Variants in TBRG4 observed in about 807,000 individuals in gnomAD.
The protein encoded by TBRG4 is transforming growth factor beta regulator 4.
In TBRG4, 43 loss-of-function variants were observed where a neutral mutation model predicts 65.6. The ratio of observed to expected loss-of-function variants is 0.66; its 90% CI spans 0.51 to 0.85. The LOEUF (loss-of-function observed/expected upper bound fraction) is 0.85, where lower values mean the gene tolerates loss of function less well. TBRG4 is among the 40% of genes least tolerant of loss of function. The probability of loss-of-function intolerance (pLI) is 0.00; values close to 1 mark genes in which losing one functional copy is unlikely to be tolerated. For synonymous variants in TBRG4, 366 were observed against 341.4 expected (o/e 1.07, Z -0.79); for missense variants, 709 against 787.9 (o/e 0.90, Z 1.20).
Position 45,104,179 on chromosome 7 carries a change from A to G in TBRG4, c.985T>C (p.Ser329Pro). Residue 329 changes from serine (S) to proline (P), a missense_variant, in exon 5 of 11, where the codon TCT (serine) becomes CCT (proline). Coordinates refer to ENST00000258770, the MANE Select transcript of TBRG4 (RefSeq NM_004749.4). ...DLLSLMPSLT[S>P]GEVAHCAKSF... ...TTGGCACAGTGGGCCACCTCACCAG[A>G]AGTCAGGCTGGGCATGAGGGATAGC... is the stretch of plus-strand genomic sequence containing the variant. The G allele has an allele frequency of 6.2e-7, 1 of 1,614,116 alleles. No homozygotes were observed. The highest frequency in any genetic ancestry group is 1.1e-5 in the South Asian group (1 of 91,074).
At chr7:45,107,650 G>A (rs1785002129) in intron 2 of TBRG4, 1 of 154,546 alleles carries the variant, frequency 6.5e-6, no homozygotes, top group African/African-American at 2.4e-5. Flanking sequence ...TAATCTTACA[G>A]AAGATCTGGG....
Position 45,101,908 on chromosome 7 carries a change from T to A in TBRG4, c.1484A>T (p.Glu495Val). ...LDRKVTPLQK[E>V]LQETLKGLLG... is the part of the protein sequence containing the mutation. ...CAGCCCCTTCAGCGTCTCCTGCAGC[T>A]CCTTTTGCAGGGGGGTCACCTTCCT... Residue 495 changes from glutamate (E) to valine (V), a missense_variant, in exon 8 of 11, where the codon GAG becomes GTG. Transcript: ENST00000258770. 1 of 1,611,300 alleles carries A rather than the reference T, an allele frequency of 6.2e-7. No individual in the cohort carries two copies. Among genetic ancestry groups the A allele is most frequent in the Non-Finnish European group, 8.5e-7 (1 of 1,179,170 alleles).
intron 5 of TBRG4, 163 bp from the exon 6 acceptor site, chr7:45,103,606 A>G (rs1562935174): frequency 2.2e-5 from 13 of 603,122 alleles, no homozygotes; most frequent in Non-Finnish European, 3.5e-5. Context: ...AAGGACTTAC[A>G]CAGGCCCAGA....
rs373051039 is a variant in TBRG4 at position 45,101,954 on chromosome 7, G to A, written c.1438C>T (p.Pro480Ser). The change falls in exon 8 of 11, where the codon CCT (proline) becomes TCT (serine). Residue 480 changes from proline to serine, a missense_variant. Transcript: ENST00000258770. The part of the protein sequence containing the change: ...GPLLPASAVA[P>S]GPSALDRKVT... ...TTCCTGTCAAGGGCTGAGGGCCCAG[G>A]GGCCACAGCCGAGGCAGGCAGAAGG... 1.3e-5 allele frequency: 20 copies of A among 1,597,832 alleles called. No individual in the cohort carries two copies. The highest frequency in any genetic ancestry group is 7.7e-6 in the Non-Finnish European group (9 of 1,173,664).
chr7:45,104,317 C>G, intron 4 of TBRG4, 61 bp from the exon 5 acceptor site: 1 of 1,609,716 alleles, frequency 6.2e-7, no homozygotes, highest in Non-Finnish European at 8.5e-7. Flanking sequence ...CCCAGCAGCT[C>G]CACCCCACCT....
chr7:45,111,456 G>A, intron 1 of TBRG4, 187 bp downstream of exon 1: 1 of 602,834 alleles, frequency 1.7e-6, no homozygotes, highest in Non-Finnish European at 2.5e-6. Flanking sequence ...GGCCGCGCGG[G>A]CTAGAGAGGA....
At chr7:45,110,392 C>A (rs905475685) in intron 1 of TBRG4, among the ~76,000 whole-genome samples, 2 of 152,176 alleles carry the variant, frequency 1.3e-5, no homozygotes, top group African/African-American at 4.8e-5. Context: ...ATCGGCCAGG[C>A]GCAGTGGCTC....
chr7:45,101,159 A>ATG, intron 10 of TBRG4, 99 bp downstream of exon 10: 1 of 1,170,672 alleles, frequency 8.5e-7, no homozygotes, highest in Non-Finnish European at 1.2e-6. Flanking sequence ...CGGGCAGGGC[A>ATG]TGTGTCTATA....
chr7:45,108,886 T>C lies in TBRG4; in HGVS notation c.352A>G (p.Lys118Glu), dbSNP rs1785035721. Residue 118 changes from lysine (K) to glutamate (E), a missense_variant, in exon 2 of 11, where the codon AAA (lysine) becomes GAA (glutamate). Transcript: ENST00000258770. ...SHLLSEKPED[K>E]GLLIQDAHFH... ...TGGGCATCCTGTATGAGCAAGCCTT[T>C]ATCTTCTGGCTTCTCAGACAGCAAG... is the stretch of plus-strand genomic sequence containing the variant. The C allele has an allele frequency of 1.9e-6, 3 of 1,580,570 alleles. No individual in the cohort carries two copies. The highest frequency in any genetic ancestry group is 2.6e-6 in the Non-Finnish European group (3 of 1,166,624).
In TBRG4 at chr7:45,109,189, C is replaced by G; in HGVS notation, c.49G>C (p.Ala17Pro). Reference protein sequence around the residue: ...KRCTCLLREAARQAPAMAPVG... With the variant: ...KRCTCLLREAPRQAPAMAPVG... The stretch of plus-strand genomic sequence containing the variant: ...GGAGCCATGGCAGGGGCCTGACGAG[C>G]AGCTTCTCTCAGGAGGCACGTGCAT... Residue 17 changes from alanine to proline, a missense_variant, in exon 2 of 11, where the codon GCT becomes CCT. Coordinates refer to ENST00000258770, the MANE Select transcript of TBRG4 (RefSeq NM_004749.4). The G allele has an allele frequency of 6.2e-7, 1 of 1,612,226 alleles. No individual in the cohort carries two copies. The highest frequency in any genetic ancestry group is 1.1e-5 in the South Asian group (1 of 90,908).
rs1402932869 is a variant in TBRG4 at position 45,104,139 on chromosome 7, A to T, written c.1025T>A (p.Leu342His). Residue 342 changes from leucine to histidine, a missense_variant, in exon 5 of 11, where the codon CTC (leucine) becomes CAC (histidine). Physicochemically the swap from Leu to His is moderately conservative, Grantham distance 99. Transcript: ENST00000258770. ...VAHCAKSFAL[L>H]KWLSLPLFEA... ...AAACAGGGGCAGGCTGAGCCACTTG[A>T]GTAAGGCGAAGGACTTGGCACAGTG... The T allele has an allele frequency of 3.1e-6, 5 of 1,613,392 alleles. No homozygotes were observed. The South Asian group carries it at 3.3e-5, about 11-fold the overall frequency.
Position 45,111,685 on chromosome 7 carries a change from T to C in TBRG4, c.-93A>G. Reference sequence around the variant, plus strand: ...TGACCTCCATCCGCCGCCCTAACTGTCCCCGGAACCATGAGGTGCGCGGCG... The same window carrying C: ...TGACCTCCATCCGCCGCCCTAACTGCCCCCGGAACCATGAGGTGCGCGGCG... On this transcript the variant is annotated 5_prime_UTR_variant, in exon 1 of 11. Transcript: ENST00000258770. The C allele has an allele frequency of 7.8e-7, 1 of 1,289,138 alleles. No homozygotes were observed. The highest frequency in any genetic ancestry group is 1.0e-6 in the Non-Finnish European group (1 of 988,796). 79.9% of individuals were successfully genotyped at this position (1,289,138 alleles called of 1,614,324 possible).
chr7:45,102,109 G>A (rs769343908), intron 7 of TBRG4, 39 bp from the exon 8 acceptor site: 42 of 1,553,388 alleles, frequency 2.7e-5, no homozygotes, highest in East Asian at 1.6e-4. Context: ...GTGGGCCTAC[G>A]GCCAGAGATG....
At chr7:45,102,300 A>C (rs751958945) in intron 7 of TBRG4, 47 bp downstream of exon 7, 7 of 1,612,336 alleles carry the variant, frequency 4.3e-6, no homozygotes, top group Non-Finnish European at 3.4e-6. Context: ...GGCAGACAAG[A>C]CCAGGCAGTT....
chr7:45,104,077 T>G (rs894933893), intron 5 of TBRG4, 22 bp downstream of exon 5: 1 of 1,569,914 alleles, frequency 6.4e-7, no homozygotes, highest in Non-Finnish European at 8.6e-7. Context: ...CTTCTCTGAG[T>G]TGGGGCCAGG....
At position 45,100,141 on chromosome 7, in the gene TBRG4, G is replaced by T. The variant is rs1317427023; in HGVS notation, c.*184C>A. The T allele has an allele frequency of 1.8e-6, 1 of 562,692 alleles. No individual in the cohort carries two copies. Among genetic ancestry groups the T allele is most frequent in the Non-Finnish European group, 3.1e-6 (1 of 318,358 alleles). The allele number at this position is 562,692 out of a possible 1,614,324, so 34.9% of individuals were successfully genotyped here. The stretch of plus-strand genomic sequence containing the variant: ...GACCAAGCCTGGGAAGGCCCCAGGG[G>T]TCCAACACCAAAATTAAAGGTTTAT... On this transcript the variant is annotated 3_prime_UTR_variant, in exon 11 of 11. Transcript: ENST00000258770.
Position 45,102,084 on chromosome 7 carries a change from A to C in TBRG4, c.1322-14T>G, listed in dbSNP as rs532489616. 1.5e-4 allele frequency: 237 copies of C among 1,566,700 alleles called. No individual in the cohort carries two copies. Among genetic ancestry groups the C allele is most frequent in the Non-Finnish European group, 1.5e-4 (175 of 1,163,294 alleles). ...GAGACTTGCCCCCTAGGAGACAAGG[A>C]GAAAGAAGAGGGAGGTGGGCCTACG... On this transcript the variant is annotated splice_polypyrimidine_tract_variant and intron_variant, in intron 7 of 10. Coordinates refer to ENST00000258770, the MANE Select transcript of TBRG4 (RefSeq NM_004749.4).
chr7:45,101,333 G>A lies in TBRG4; in HGVS notation c.1719C>T (p.Ser573=). ...FLRWEFPNFN[S]RSKDLLGRFV... ...AGCGACCCAGCAAGTCCTTGCTTCGGCTGTTGAAGTTGGGGAACTCCCACC... is the reference window on the plus strand; with the variant it reads ...AGCGACCCAGCAAGTCCTTGCTTCGACTGTTGAAGTTGGGGAACTCCCACC... Residue 573 remains serine (S), a synonymous_variant, in exon 10 of 11, where the codon AGC becomes AGT. Coordinates refer to ENST00000258770, the MANE Select transcript of TBRG4 (RefSeq NM_004749.4). 6.2e-7 allele frequency: 1 copy of A among 1,614,032 alleles called. No individual in the cohort carries two copies. Among genetic ancestry groups the A allele is most frequent in the Non-Finnish European group, 8.5e-7 (1 of 1,180,016 alleles).
chr7:45,110,384 C>A (rs982312313), intron 1 of TBRG4, among the ~76,000 whole-genome samples: 1 of 152,046 alleles, frequency 6.6e-6, no homozygotes, highest in African/African-American at 2.4e-5. Context: ...ACAATTCTAT[C>A]GGCCAGGCGC....
Sources: gnomAD v4.1 joint callset for allele counts (sites outside exome capture counted in the v4.1 genomes callset) on GRCh38, gnomAD v4.1.1 for gene constraint, MANE v1.5 for transcripts, NCBI Gene and HGNC (gene_info 2026-07-23, HGNC 2026-07-21) for gene names.